Variants in RAB11FIP3 observed in about 807,000 individuals in gnomAD.
RAB11FIP3 encodes rab11 family-interacting protein 3.
RAB11FIP3 carries 17 observed loss-of-function variants against 77.8 expected under a neutral mutation model. That is an observed-to-expected ratio of 0.22 (90% CI 0.15 to 0.33). RAB11FIP3 has a LOEUF of 0.33. RAB11FIP3 is among the 10% of genes least tolerant of loss of function. The pLI is 1.00. For synonymous variants in RAB11FIP3, 437 were observed against 448.2 expected (o/e 0.98, Z 0.31); for missense variants, 1,005 against 1,011.2 (o/e 0.99, Z 0.08).
chr16:521,195 C>T lies in RAB11FIP3; in HGVS notation c.*356C>T, dbSNP rs1014781901. 4 of 332,948 alleles carry T rather than the reference C, an allele frequency of 1.2e-5. No homozygotes were observed. In the South Asian group the frequency reaches 1.4e-4, roughly 12 times the overall value. The allele number at this position is 332,948 out of a possible 1,614,324, so 20.6% of individuals were successfully genotyped here. ...TTCAGCAGGATGGGCTGGAGAGCCTCTCTGTGCAGCGGTGTGGGGTGAGCC... is the reference window on the plus strand; with the variant it reads ...TTCAGCAGGATGGGCTGGAGAGCCTTTCTGTGCAGCGGTGTGGGGTGAGCC... On this transcript the variant is annotated 3_prime_UTR_variant, in exon 14 of 14. Transcript: ENST00000262305.
At position 520,670 on chromosome 16, in the gene RAB11FIP3, T is replaced by C. The variant is rs573156976; in HGVS notation, c.2158-56T>C. Reference sequence around the variant, plus strand: ...TGCACTGTCTGTGCGCTGTGGTTTATGCGCTGTGGCCTGTGGCCCATGCGC... The same window carrying C: ...TGCACTGTCTGTGCGCTGTGGTTTACGCGCTGTGGCCTGTGGCCCATGCGC... On this transcript the variant is annotated intron_variant, in intron 13 of 13. Coordinates refer to ENST00000262305, the MANE Select transcript of RAB11FIP3 (RefSeq NM_014700.4). The C allele has an allele frequency of 4.8e-4, 779 of 1,611,354 alleles. 3 individuals are homozygous for C. The highest frequency in any genetic ancestry group is 2.1e-4 in the Non-Finnish European group (248 of 1,178,258).
chr16:508,522 C>T (rs991653797), intron 8 of RAB11FIP3, among the ~76,000 whole-genome samples: 2 of 151,880 alleles, frequency 1.3e-5, no homozygotes, highest in Non-Finnish European at 1.5e-5. Context: ...TACAGGCATG[C>T]GCCACTGTGC....
intron 1 of RAB11FIP3, among the ~76,000 whole-genome samples, chr16:445,029 G>A (rs1037138277): frequency 1.3e-5 from 2 of 149,960 alleles, no homozygotes; most frequent in Non-Finnish European, 2.9e-5. Context: ...CAGGAGAATG[G>A]CGTGAACCCG....
Position 522,188 on chromosome 16 carries a change from G to A in RAB11FIP3, c.*1349G>A, listed in dbSNP as rs1417582942. 6.6e-6 allele frequency: 1 copy of A among 151,000 alleles called. No homozygotes were observed. The highest frequency in any genetic ancestry group is 1.9e-4 in the East Asian group (1 of 5,140). The allele number at this position is 151,000 out of a possible 1,614,324, so 9.4% of individuals were successfully genotyped here. Reference sequence around the variant, plus strand: ...TCATGTAGAGTAGGTATTTTTTATAGATTGAAGGTTGATCAATTTTTTAAT... The same window carrying A: ...TCATGTAGAGTAGGTATTTTTTATAAATTGAAGGTTGATCAATTTTTTAAT... On this transcript the variant is annotated 3_prime_UTR_variant, in exon 14 of 14. Transcript: ENST00000262305.
In RAB11FIP3 at chr16:426,272, C is replaced by T. The variant is rs1198557844; in HGVS notation, c.266C>T (p.Ala89Val). 3.3e-6 allele frequency: 4 copies of T among 1,205,142 alleles called. No individual in the cohort carries two copies. The African/African-American group carries it at 6.4e-5, about 19-fold the overall frequency. 74.7% of individuals were successfully genotyped at this position (1,205,142 alleles called of 1,614,324 possible). ...EGGPRDPGPSAPPPRSGPRGQ... is the reference protein window; with the variant it reads ...EGGPRDPGPSVPPPRSGPRGQ... ...GGCCCGCGAGACCCCGGGCCGTCCG[C>T]CCCGCCGCCGCGCTCCGGCCCGCGG... The change falls in exon 1 of 14, where the codon GCC (alanine) becomes GTC (valine). Residue 89 changes from alanine (A) to valine (V), a missense_variant. Around this residue, in one of 4 missense-constraint regions of RAB11FIP3, gnomAD observed 466 missense variants for 408.3 expected, o/e 1.14. Coordinates refer to ENST00000262305, the MANE Select transcript of RAB11FIP3 (RefSeq NM_014700.4). The surrounding 1 kb of genome is among the most constrained non-coding windows in gnomAD (Gnocchi z 5.0).
chr16:425,979 C>T lies in RAB11FIP3; in HGVS notation c.-28C>T, dbSNP rs1384454329. On this transcript the variant is annotated 5_prime_UTR_variant, in exon 1 of 14. Coordinates refer to ENST00000262305, the MANE Select transcript of RAB11FIP3 (RefSeq NM_014700.4). ...GAGCGCCTTTGTCTGCCGCCCGCGC[C>T]CTTCCGCACCACTAGCCTCTCGGGA... 6.4e-6 allele frequency: 5 copies of T among 783,554 alleles called. No individual in the cohort carries two copies. The highest frequency in any genetic ancestry group is 7.0e-6 in the Non-Finnish European group (5 of 713,884). 48.5% of individuals were successfully genotyped at this position (783,554 alleles called of 1,614,324 possible).
intron 3 of RAB11FIP3, among the ~76,000 whole-genome samples, chr16:481,172 C>G (rs1268003031): frequency 6.6e-6 from 1 of 151,918 alleles, no homozygotes; most frequent in African/African-American, 2.4e-5. Flanking sequence ...GGTTGGAGCA[C>G]AGTGGTGTGA....
intron 1 of RAB11FIP3, among the ~76,000 whole-genome samples, chr16:434,295 G>A (rs2055090869): frequency 6.6e-6 from 1 of 152,134 alleles, no homozygotes; most frequent in African/African-American, 2.4e-5. Flanking sequence ...CTAATTTTTT[G>A]TATTTTTAGT....
chr16:437,224 G>A (rs7206631), intron 1 of RAB11FIP3, among the ~76,000 whole-genome samples: 1 of 151,498 alleles, frequency 6.6e-6, no homozygotes. Flanking sequence ...GTTGCAGTGA[G>A]GCAAGATCGC....
intron 5 of RAB11FIP3, among the ~76,000 whole-genome samples, chr16:494,642 A>G (rs1022080078): frequency 3.3e-5 from 5 of 152,122 alleles, no homozygotes; most frequent in African/African-American, 1.2e-4. Flanking sequence ...ACCTGTATTA[A>G]AATATACATT....
Position 505,749 on chromosome 16 carries a change from A to G in RAB11FIP3, c.1499+122A>G. ...TTGGCCACCCGTCCATCCCCGTTGG[A>G]AGCCGGCTGAGGGGGTGGTGCCAGG... On this transcript the variant is annotated intron_variant, in intron 8 of 13. Transcript: ENST00000262305. This position sits in a 1 kb window ranked among gnomAD's most constrained non-coding sequence, Gnocchi z 4.0. 1.2e-6 allele frequency: 1 copy of G among 859,882 alleles called. No homozygotes were observed. Among genetic ancestry groups the G allele is most frequent in the Non-Finnish European group, 1.8e-6 (1 of 570,428 alleles). The allele number at this position is 859,882 out of a possible 1,614,324, so 53.3% of individuals were successfully genotyped here.
chr16:430,791 A>G lies in RAB11FIP3; in HGVS notation c.714+4071A>G, dbSNP rs192348880. Among the ~76,000 whole-genome samples, 973 of 152,316 alleles carry G rather than the reference A, an allele frequency of 6.4e-3. 12 individuals carry two copies. Among genetic ancestry groups the G allele is most frequent in the African/African-American group, 0.022 (924 of 41,554 alleles). ...AGCATTTTGGGAGGCTGAGGCGGGC[A>G]GATCATGAGGTCAGGAGACGGTGAA... is the stretch of plus-strand genomic sequence containing the variant. On this transcript the variant is annotated intron_variant, in intron 1 of 13. Coordinates refer to ENST00000262305, the MANE Select transcript of RAB11FIP3 (RefSeq NM_014700.4).
intron 5 of RAB11FIP3, among the ~76,000 whole-genome samples, chr16:492,766 G>C (rs117569769): frequency 1.3e-5 from 2 of 152,088 alleles, no homozygotes; most frequent in Non-Finnish European, 2.9e-5. Context: ...CTCAGGTCTC[G>C]TCTCTCATTT....
intron 9 of RAB11FIP3, among the ~76,000 whole-genome samples, chr16:517,939 G>A (rs1235263828): frequency 4.6e-5 from 7 of 152,064 alleles, no homozygotes; most frequent in African/African-American, 7.2e-5. Flanking sequence ...AAAATTAGCC[G>A]GGTGTGGTGG....
chr16:519,667 A>G (rs1304209573), intron 10 of RAB11FIP3, 87 bp from the exon 11 acceptor site: 2 of 1,529,724 alleles, frequency 1.3e-6, no homozygotes, highest in Non-Finnish European at 8.9e-7. Context: ...TGGGAGACTC[A>G]GAGATTGGAG....
At chr16:518,899 G>A (rs1248757905) in intron 9 of RAB11FIP3, 44 bp from the exon 10 acceptor site, 1 of 1,603,762 alleles carries the variant, frequency 6.2e-7, no homozygotes, top group Non-Finnish European at 8.5e-7. Flanking sequence ...CCCTGTAGAG[G>A]CGAGCTTCCT....
intron 1 of RAB11FIP3, among the ~76,000 whole-genome samples, chr16:458,274 C>CT (rs2055536897): frequency 6.6e-6 from 1 of 152,234 alleles, no homozygotes; most frequent in Non-Finnish European, 1.5e-5. Context: ...CGTGCTACAC[C>CT]CCCCATCCTT....
intron 1 of RAB11FIP3, among the ~76,000 whole-genome samples, chr16:434,178 A>G (rs1371757639): frequency 4.0e-5 from 6 of 151,434 alleles, no homozygotes; most frequent in Middle Eastern, 3.2e-3. Context: ...CTGGAGTGCA[A>G]TGGCACGATT....
intron 1 of RAB11FIP3, among the ~76,000 whole-genome samples, chr16:441,453 C>A (rs766522397): frequency 1.3e-5 from 2 of 152,214 alleles, no homozygotes; most frequent in African/African-American, 2.4e-5. Context: ...CTCTGTGTCA[C>A]CCTCCAGTAA....
Sources: allele counts gnomAD v4.1 joint callset (sites outside exome capture counted in the v4.1 genomes callset), GRCh38; gene constraint gnomAD v4.1.1; regional missense constraint gnomAD v4.1.1; non-coding constraint Gnocchi (gnomAD v3.1); transcripts MANE v1.5; gene names NCBI Gene and HGNC (gene_info 2026-07-23, HGNC 2026-07-21).